The following CCR3 variants were observed in gnomAD, a reference collection of about 807,000 sequenced individuals.
The protein encoded by CCR3 is C-C chemokine receptor type 3.
For synonymous variants in CCR3, 203 were observed against 179.2 expected (o/e 1.13, Z -1.06); for missense variants, 419 against 437.5 (o/e 0.96, Z 0.38).
chr3:46,232,442 A>G (rs1264147924), intron 2 of CCR3, among the ~76,000 whole-genome samples: 1 of 152,134 alleles, frequency 6.6e-6, no homozygotes, highest in Non-Finnish European at 1.5e-5. Context: ...CGCATCCTAG[A>G]CTGTTCTGCA....
intron 2 of CCR3, among the ~76,000 whole-genome samples, chr3:46,231,691 T>G (rs1354858985): frequency 6.6e-6 from 1 of 152,248 alleles, no homozygotes. Flanking sequence ...GTTTATGGTA[T>G]AGATTATGAT....
rs200846292 is a variant in CCR3 at position 46,243,002 on chromosome 3, T to C, written c.-12+464T>C. On this transcript the variant is annotated intron_variant, in intron 1 of 1. Coordinates refer to ENST00000395940, the MANE Select transcript of CCR3 (RefSeq NM_178329.3). ...ATACACATATATATATATATATATATACGCACACACACATACATTTTTATA... is the reference window on the plus strand; with the variant it reads ...ATACACATATATATATATATATATACACGCACACACACATACATTTTTATA... 2.1e-3 allele frequency among the ~76,000 whole-genome samples: 264 copies of C among 123,726 alleles called. 10 individuals are homozygous for C. Among genetic ancestry groups the C allele is most frequent in the African/African-American group, 7.7e-3 (238 of 30,718 alleles). The allele number at this position is 123,726 out of a possible 152,430, so 81.2% of individuals were successfully genotyped here. A position where few individuals can be genotyped will look rare whatever the true frequency, so the allele number is the denominator to read the frequency against.
rs200478041 is a variant in CCR3, at chr3:46,266,084, G to A, written c.926G>A (p.Arg309Gln). 1.3e-4 allele frequency: 216 copies of A among 1,614,000 alleles called. 5 individuals carry two copies. The South Asian group carries it at 1.9e-3, about 14-fold the overall frequency. The change falls in exon 2 of 2, where the codon CGG (arginine) becomes CAG (glutamine). Residue 309 changes from arginine to glutamine, a missense_variant. Arg to Gln is a conservative substitution (Grantham distance 43, BLOSUM62 1). Transcript: ENST00000395940. ...TACGCCTTTGTTGGAGAGAGGTTCC[G>A]GAAGTACCTGCGCCACTTCTTCCAC... ...VIYAFVGERFRKYLRHFFHRH... is the reference protein window; with the variant it reads ...VIYAFVGERFQKYLRHFFHRH...
Position 46,246,833 on chromosome 3 carries a change from C to T in CCR3, c.-12+4295C>T, listed in dbSNP as rs535494859. On this transcript the variant is annotated intron_variant, in intron 1 of 1. Transcript: ENST00000395940. ...ATGGAGAGAGAATGGGCGATGTTTC[C>T]CAGGGCTGCTTCAAGCGGGATTAGG... 7.9e-4 allele frequency among the ~76,000 whole-genome samples: 120 copies of T among 151,840 alleles called. 2 individuals carry two copies. The highest frequency in any genetic ancestry group is 3.1e-3 in the South Asian group (15 of 4,798).
chr3:46,230,832 G>A lies in CCR3; in HGVS notation c.-67-11570G>A, dbSNP rs575468271. Among the ~76,000 whole-genome samples the A allele has an allele frequency of 2.6e-5, 4 of 152,268 alleles. No individual in the cohort carries two copies. In the South Asian group the frequency reaches 6.2e-4, roughly 24 times the overall value. On this transcript the variant is annotated intron_variant, in intron 2 of 3. Coordinates refer to the CCR3 transcript ENST00000357422. The stretch of plus-strand genomic sequence containing the variant: ...CCTCCACCCTCCACACTGGCCCTCT[G>A]ATCTTTTCCAGGGCAGGGACCTAGG...
At chr3:46,245,547 G>T (rs1700173252) in intron 1 of CCR3, among the ~76,000 whole-genome samples, 1 of 151,564 alleles carries the variant, frequency 6.6e-6, no homozygotes, top group African/African-American at 2.4e-5. Context: ...ATCCAAATAT[G>T]ATTATTTTCC....
chr3:46,222,054 G>T (rs773752306), intron 2 of CCR3, among the ~76,000 whole-genome samples: 9 of 152,346 alleles, frequency 5.9e-5, no homozygotes, highest in South Asian at 4.1e-4. Context: ...AGCCCTGAAG[G>T]TCAGATAGGC....
At chr3:46,260,067 G>A (rs1455716824) in intron 1 of CCR3, among the ~76,000 whole-genome samples, 1 of 152,118 alleles carries the variant, frequency 6.6e-6, no homozygotes, top group Non-Finnish European at 1.5e-5. Flanking sequence ...GCTTGTGCAG[G>A]GAAACTCCCC....
rs371197559 is a variant in CCR3, at chr3:46,246,068, C to G, written c.-12+3530C>G. On this transcript the variant is annotated intron_variant, in intron 1 of 1. Coordinates refer to ENST00000395940, the MANE Select transcript of CCR3 (RefSeq NM_178329.3). ...TTATCATCCTACTTCCTTCTATAGT[C>G]TAGGTTGATACTAACCCTCTTAAAA... Among the ~76,000 whole-genome samples, 4 of 152,182 alleles carry G rather than the reference C, an allele frequency of 2.6e-5. No individual in the cohort carries two copies. In the East Asian group the frequency reaches 5.8e-4, roughly 22 times the overall value.
intron 2 of CCR3, among the ~76,000 whole-genome samples, chr3:46,233,779 T>C (rs1421687587): frequency 1.3e-5 from 2 of 152,210 alleles, no homozygotes; most frequent in African/African-American, 4.8e-5. Context: ...TTTGATGCCA[T>C]CCTCACCTTT....
Position 46,265,511 on chromosome 3 carries a change from A to G in CCR3, c.353A>G (p.Tyr118Cys). Residue 118 changes from tyrosine (Y) to cysteine (C), a missense_variant, in exon 2 of 2, where the codon TAC becomes TGC. Coordinates refer to ENST00000395940, the MANE Select transcript of CCR3 (RefSeq NM_178329.3). ...TCAGGGTTTTATCACACAGGCTTGT[A>G]CAGCGAGATCTTTTTCATAATCCTG... The part of the protein sequence containing the change: ...LLSGFYHTGL[Y>C]SEIFFIILLT... 6.2e-7 allele frequency: 1 copy of G among 1,614,152 alleles called. No homozygotes were observed. The highest frequency in any genetic ancestry group is 8.5e-7 in the Non-Finnish European group (1 of 1,180,006).
Position 46,265,811 on chromosome 3 carries a change from G to T in CCR3, c.653G>T (p.Cys218Phe), listed in dbSNP as rs1474783228. Residue 218 changes from cysteine (C) to phenylalanine (F), a missense_variant, in exon 2 of 2, where the codon TGC becomes TTC. Physicochemically the swap from Cys to Phe is radical, Grantham distance 205 (BLOSUM62 -2). Coordinates refer to ENST00000395940, the MANE Select transcript of CCR3 (RefSeq NM_178329.3). ...CTCCCTCTGCTCGTTATGGCCATCT[G>T]CTACACAGGAATCATCAAAACGCTG... ...LVLPLLVMAI[C>F]YTGIIKTLLR... 1.2e-6 allele frequency: 2 copies of T among 1,613,976 alleles called. No individual in the cohort carries two copies. The highest frequency in any genetic ancestry group is 1.7e-6 in the Non-Finnish European group (2 of 1,179,988).
intron 2 of CCR3, among the ~76,000 whole-genome samples, chr3:46,214,441 GT>G (rs1699751246): frequency 6.6e-6 from 1 of 152,078 alleles, no homozygotes; most frequent in African/African-American, 2.4e-5. Context: ...CATCTTGTCA[GT>G]TTTTCCTGCT....
chr3:46,250,654 G>A (rs113733523), intron 1 of CCR3, among the ~76,000 whole-genome samples: 50 of 152,236 alleles, frequency 3.3e-4, no homozygotes, highest in Middle Eastern at 6.8e-3. Flanking sequence ...AGAAAATAAG[G>A]CGTTTAGGTT....
chr3:46,233,742 C>T (rs1427004165), intron 2 of CCR3, among the ~76,000 whole-genome samples: 1 of 152,218 alleles, frequency 6.6e-6, no homozygotes, highest in Non-Finnish European at 1.5e-5. Context: ...CTTGGGGAAA[C>T]CACTTTGTGT....
At chr3:46,252,149 G>A (rs1700325603) in intron 1 of CCR3, among the ~76,000 whole-genome samples, 1 of 148,686 alleles carries the variant, frequency 6.7e-6, no homozygotes, top group South Asian at 2.2e-4. Context: ...GTGCTCAATA[G>A]CCATGAGGCT....
In CCR3 at chr3:46,265,885, GTCA is replaced by G; in HGVS notation, c.732_734del (p.Ile244del). ...GTACAAGGCCATCCGGCTCATTTTT[GTCA>G]TCATGGCGGTGTTTTTCATTTTCTG... On this transcript the variant is annotated inframe_deletion, in exon 2 of 2. Coordinates refer to ENST00000395940, the MANE Select transcript of CCR3 (RefSeq NM_178329.3). The G allele has an allele frequency of 6.2e-7, 1 of 1,614,062 alleles. No homozygotes were observed. The highest frequency in any genetic ancestry group is 8.5e-7 in the Non-Finnish European group (1 of 1,179,978).
chr3:46,228,717 A>G lies in CCR3; in HGVS notation c.-67-13685A>G, dbSNP rs550218435. Among the ~76,000 whole-genome samples, 6 of 152,394 alleles carry G rather than the reference A, an allele frequency of 3.9e-5. No individual in the cohort carries two copies. The South Asian group carries it at 1.0e-3, about 26-fold the overall frequency. On this transcript the variant is annotated intron_variant, in intron 2 of 3. Transcript: ENST00000357422. ...CAAATCTATTCTCTGCCATTTGATA[A>G]CTGTACAAACATGGTGGGTCATATA...
intron 2 of CCR3, among the ~76,000 whole-genome samples, chr3:46,236,359 C>T (rs536504742): frequency 6.0e-4 from 92 of 152,356 alleles, no homozygotes; most frequent in African/African-American, 2.2e-3. Flanking sequence ...GAGCTGCCCT[C>T]ACCATGGTGG....
Sources: allele counts gnomAD v4.1 joint callset (sites outside exome capture counted in the v4.1 genomes callset), GRCh38; gene constraint gnomAD v4.1.1; transcripts MANE v1.5; gene names NCBI Gene and HGNC (gene_info 2026-07-23, HGNC 2026-07-21).